DOCK4: variants seen among roughly 807,000 people sequenced by gnomAD.
DOCK4 encodes the protein dedicator of cytokinesis protein 4.
A neutral mutation model predicts 268.1 loss-of-function variants in DOCK4; 97 were observed. The observed-to-expected ratio is 0.36, with a 90% CI of 0.31 to 0.43. The LOEUF (loss-of-function observed/expected upper bound fraction) is 0.43. DOCK4 is among the 20% of genes least tolerant of loss of function. The pLI is 1.00. For missense variants in DOCK4, 2,145 were observed against 2,455.7 expected, an observed-to-expected ratio of 0.87 and a Z score of 2.67; for synonymous variants, 954 against 887.2, an observed-to-expected ratio of 1.08 and a Z score of -1.34.
intron 1 of DOCK4, among the ~76,000 whole-genome samples, chr7:112,101,087 T>C (rs890151846): frequency 6.6e-6 from 1 of 152,246 alleles, no homozygotes; most frequent in East Asian, 1.9e-4. Flanking sequence ...GGGGGACACA[T>C]AGAGTGAGAT....
intron 1 of DOCK4, among the ~76,000 whole-genome samples, chr7:112,115,903 C>T (rs1812107010): frequency 1.3e-5 from 2 of 152,196 alleles, no homozygotes; most frequent in South Asian, 4.1e-4. Flanking sequence ...TGGTCTCAAA[C>T]TCCTGGCCTT....
At chr7:112,169,659 C>G (rs1817909744) in intron 1 of DOCK4, among the ~76,000 whole-genome samples, 1 of 152,150 alleles carries the variant, frequency 6.6e-6, no homozygotes, top group African/African-American at 2.4e-5. Context: ...CCTTCTTGTT[C>G]CACTCCACCT....
chr7:111,812,086 G>T, intron 27 of DOCK4, 137 bp from the exon 28 acceptor site: 1 of 488,610 alleles, frequency 2.0e-6, no homozygotes, highest in Non-Finnish European at 3.6e-6. Flanking sequence ...ATTCATATTT[G>T]AAACAAAAAA....
chr7:112,135,348 C>T (rs1814223822), intron 1 of DOCK4, among the ~76,000 whole-genome samples: 1 of 152,114 alleles, frequency 6.6e-6, no homozygotes, highest in Non-Finnish European at 1.5e-5. Context: ...AACTAAGCAT[C>T]TATCTATTCT....
chr7:111,928,586 CTT>C (rs200976875), intron 12 of DOCK4, among the ~76,000 whole-genome samples: 16 of 129,466 alleles, frequency 1.2e-4, no homozygotes, highest in Admixed American at 7.8e-5. Context: ...TTTTCTTTTT[CTT>C]TTTTTTTTTT....
intron 12 of DOCK4, among the ~76,000 whole-genome samples, chr7:111,920,120 G>A (rs1347786962): frequency 1.3e-5 from 2 of 152,184 alleles, no homozygotes; most frequent in East Asian, 1.9e-4. Context: ...AGGGATTGGA[G>A]AGGGTGGGGG....
intron 6 of DOCK4, among the ~76,000 whole-genome samples, chr7:111,986,252 T>G (rs1242677362): frequency 1.3e-5 from 2 of 152,182 alleles, no homozygotes; most frequent in Non-Finnish European, 2.9e-5. Context: ...ATCAGTCACA[T>G]GCAGGAGGAA....
chr7:111,997,761 T>C (rs1007595501), intron 4 of DOCK4, among the ~76,000 whole-genome samples: 9 of 152,226 alleles, frequency 5.9e-5, no homozygotes, highest in Admixed American at 5.2e-4. Flanking sequence ...CACCAAATGT[T>C]TGTGTCTAAA....
chr7:112,117,675 TTTC>T (rs1812310249), intron 1 of DOCK4, among the ~76,000 whole-genome samples: 1 of 152,232 alleles, frequency 6.6e-6, no homozygotes, highest in Non-Finnish European at 1.5e-5. Flanking sequence ...CCAGCCACCT[TTTC>T]TTTTTGTAAA....
At chr7:111,946,363 A>G (rs1795620491) in intron 8 of DOCK4, among the ~76,000 whole-genome samples, 1 of 152,186 alleles carries the variant, frequency 6.6e-6, no homozygotes, top group Non-Finnish European at 1.5e-5. Context: ...TGCATTTGAA[A>G]ATACAGTGCC....
chr7:112,060,984 C>G (rs1806335570), intron 1 of DOCK4, among the ~76,000 whole-genome samples: 1 of 152,098 alleles, frequency 6.6e-6, no homozygotes, highest in Admixed American at 6.5e-5. Context: ...TATTTTACCA[C>G]AGTAAAAAAT....
chr7:111,994,062 G>A, intron 5 of DOCK4, 73 bp downstream of exon 5: 2 of 959,782 alleles, frequency 2.1e-6, no homozygotes, highest in Non-Finnish European at 3.2e-6. Context: ...ATTAGTTAAT[G>A]CTTACTCATG....
At chr7:112,073,285 C>T (rs535902285) in intron 1 of DOCK4, among the ~76,000 whole-genome samples, 196 of 152,176 alleles carry the variant, frequency 1.3e-3, no homozygotes, top group African/African-American at 4.6e-3. Flanking sequence ...AATCCCACTA[C>T]TGGGTATTTA....
intron 32 of DOCK4, among the ~76,000 whole-genome samples, chr7:111,785,623 A>G (rs1799112588): frequency 6.6e-6 from 1 of 152,208 alleles, no homozygotes; most frequent in South Asian, 2.1e-4. Context: ...GTGCTCAGCC[A>G]GCCTTGTTCC....
At chr7:111,758,000 G>T (rs769607518) in intron 41 of DOCK4, among the ~76,000 whole-genome samples, 1 of 152,102 alleles carries the variant, frequency 6.6e-6, no homozygotes, top group Non-Finnish European at 1.5e-5. Context: ...TTCTGGCTGA[G>T]GGTGCTGAAG....
chr7:112,184,724 T>C (rs1446445029), intron 1 of DOCK4, among the ~76,000 whole-genome samples: 2 of 152,074 alleles, frequency 1.3e-5, no homozygotes, highest in Admixed American at 1.3e-4. Flanking sequence ...TCCTTCTCAG[T>C]GGGCTTGTGA....
intron 12 of DOCK4, among the ~76,000 whole-genome samples, chr7:111,919,410 A>G (rs1290775336): frequency 6.6e-6 from 1 of 152,174 alleles, no homozygotes; most frequent in Admixed American, 6.5e-5. Context: ...GACAGAGAGG[A>G]GTCGGTCAGT....
At chr7:112,042,716 T>C (rs1310729529) in intron 1 of DOCK4, among the ~76,000 whole-genome samples, 1 of 152,234 alleles carries the variant, frequency 6.6e-6, no homozygotes, top group Non-Finnish European at 1.5e-5. Flanking sequence ...ACACTTAGCA[T>C]GTCGGGCAGT....
intron 1 of DOCK4, among the ~76,000 whole-genome samples, chr7:112,129,037 T>A (rs1224927246): frequency 6.6e-6 from 1 of 152,236 alleles, no homozygotes; most frequent in Non-Finnish European, 1.5e-5. Context: ...ACCTAATAGC[T>A]ACACTCTTGG....
Sources: allele counts gnomAD v4.1 joint callset (sites outside exome capture counted in the v4.1 genomes callset), GRCh38; gene constraint gnomAD v4.1.1; transcripts MANE v1.5; gene names NCBI Gene and HGNC (gene_info 2026-07-23, HGNC 2026-07-21).